RELN: variants seen among roughly 807,000 people sequenced by gnomAD.
RELN encodes the protein reelin.
Under a neutral mutation model 427.6 loss-of-function variants are expected in RELN, and 108 were observed. That is an observed-to-expected ratio of 0.25 (90% CI 0.22 to 0.30). RELN has a LOEUF of 0.30. RELN is among the 10% of genes least tolerant of loss of function. The pLI is 1.00. For synonymous variants in RELN, 1,524 were observed against 1,513.4 expected, an observed-to-expected ratio of 1.01 and a Z score of -0.16; for missense variants, 3,715 against 4,302.8, an observed-to-expected ratio of 0.86 and a Z score of 3.82.
In RELN at chr7:103,989,383, G is replaced by GCCGCCGCT; in HGVS notation, c.-28_-27insAGCGGCGG. ...CCGCCGCCGCCGCCGCCGCCGCCGC[G>GCCGCCGCT]CGCCCTACGCGCCGCTCGCTCATTC... On this transcript the variant is annotated 5_prime_UTR_variant, in exon 1 of 65. Coordinates refer to ENST00000428762, the MANE Select transcript of RELN (RefSeq NM_005045.4). This position sits in a 1 kb window ranked among gnomAD's most constrained non-coding sequence, Gnocchi z 4.9. 1.6e-6 allele frequency: 1 copy of GCCGCCGCT among 625,378 alleles called. No individual in the cohort carries two copies. Among genetic ancestry groups the GCCGCCGCT allele is most frequent in the Non-Finnish European group, 2.1e-6 (1 of 465,706 alleles). The allele number at this position is 625,378 out of a possible 1,614,324, so 38.7% of individuals were successfully genotyped here. A position where few individuals can be genotyped will look rare whatever the true frequency, so the allele number is the denominator to read the frequency against.
At chr7:103,836,769 A>G (rs1250120776) in intron 2 of RELN, among the ~76,000 whole-genome samples, 1 of 152,214 alleles carries the variant, frequency 6.6e-6, no homozygotes, top group Non-Finnish European at 1.5e-5. Context: ...AAACCCAGGT[A>G]GCTACTCCTA....
rs192033445 is a variant in RELN, at chr7:103,923,968, C to T, written c.227-6783G>A. 3.3e-5 allele frequency among the ~76,000 whole-genome samples: 5 copies of T among 152,196 alleles called. No individual in the cohort carries two copies. In the East Asian group the frequency reaches 5.8e-4, roughly 18 times the overall value. The stretch of plus-strand genomic sequence containing the variant: ...CTATGTGATAATTACTATAATTATA[C>T]CCCTTTTACCCATTAAAGCTGAAAC... On this transcript the variant is annotated intron_variant, in intron 1 of 64. Coordinates refer to ENST00000428762, the MANE Select transcript of RELN (RefSeq NM_005045.4).
intron 31 of RELN, among the ~76,000 whole-genome samples, chr7:103,567,464 G>A (rs1830779820): frequency 6.6e-6 from 1 of 152,170 alleles, no homozygotes; most frequent in African/African-American, 2.4e-5. Context: ...TCTAAAAGAG[G>A]ATGCAGAGAA....
At chr7:103,598,337 C>T (rs924504531) in intron 24 of RELN, among the ~76,000 whole-genome samples, 7 of 152,108 alleles carry the variant, frequency 4.6e-5, no homozygotes, top group Non-Finnish European at 1.0e-4. Context: ...TTTAATTTTT[C>T]CTGTTGTTGA....
intron 2 of RELN, among the ~76,000 whole-genome samples, chr7:103,872,771 T>C (rs1351134895): frequency 6.7e-6 from 1 of 149,384 alleles, no homozygotes; most frequent in South Asian, 2.4e-4. Context: ...TGGTGTGAGA[T>C]GGTATCTCAT....
intron 38 of RELN, among the ~76,000 whole-genome samples, chr7:103,556,001 C>G (rs1393803451): frequency 6.6e-6 from 1 of 152,178 alleles, no homozygotes; most frequent in Admixed American, 6.5e-5. Flanking sequence ...ATATGCATGA[C>G]TTGGTAAAGT....
In RELN at chr7:103,611,502, T is replaced by A. The variant is rs1023716970; in HGVS notation, c.2895+109A>T. On this transcript the variant is annotated intron_variant, in intron 21 of 64. Coordinates refer to ENST00000428762, the MANE Select transcript of RELN (RefSeq NM_005045.4). Reference sequence around the variant, plus strand: ...GTTACAAATATTAAATAACACTGTTTCTTTTCAACCAAACCTAAACTTCTA... The same window carrying A: ...GTTACAAATATTAAATAACACTGTTACTTTTCAACCAAACCTAAACTTCTA... 2.0e-5 allele frequency: 17 copies of A among 841,036 alleles called. No homozygotes were observed. The African/African-American group carries it at 2.6e-4, about 13-fold the overall frequency. 52.1% of individuals were successfully genotyped at this position (841,036 alleles called of 1,614,324 possible).
intron 2 of RELN, among the ~76,000 whole-genome samples, chr7:103,903,960 G>A (rs1795138823): frequency 6.6e-6 from 1 of 151,890 alleles, no homozygotes; most frequent in Admixed American, 6.6e-5. Flanking sequence ...TAGGTTTTAA[G>A]CTCCACGTAC....
At chr7:103,792,378 T>C (rs1213328463) in intron 3 of RELN, among the ~76,000 whole-genome samples, 1 of 152,142 alleles carries the variant, frequency 6.6e-6, no homozygotes, top group Non-Finnish European at 1.5e-5. Context: ...CAACGGAATA[T>C]TATTCAACCA....
At chr7:103,648,771 T>A (rs1832848775) in intron 16 of RELN, among the ~76,000 whole-genome samples, 1 of 151,948 alleles carries the variant, frequency 6.6e-6, no homozygotes, top group African/African-American at 2.4e-5. Context: ...ATTAAAAAGT[T>A]GGCAAAGGAC....
chr7:103,889,448 A>G (rs530696797), intron 2 of RELN, among the ~76,000 whole-genome samples: 12 of 152,336 alleles, frequency 7.9e-5, no homozygotes, highest in African/African-American at 2.6e-4. Context: ...TAACTCACGG[A>G]AAGTGTGAAA....
At chr7:103,708,808 T>G (rs971899732) in intron 8 of RELN, among the ~76,000 whole-genome samples, 2 of 152,156 alleles carry the variant, frequency 1.3e-5, no homozygotes, top group Admixed American at 6.5e-5. Context: ...GGGCCTCTGT[T>G]TAATGGTCAC....
chr7:103,923,855 T>TTAA (rs1028699891), intron 1 of RELN, among the ~76,000 whole-genome samples: 1 of 152,146 alleles, frequency 6.6e-6, no homozygotes. Context: ...ACACACTTCC[T>TTAA]TAATAATAAT....
intron 58 of RELN, among the ~76,000 whole-genome samples, chr7:103,491,667 TA>T (rs1297525695): frequency 6.6e-6 from 1 of 151,876 alleles, no homozygotes; most frequent in Non-Finnish European, 1.5e-5. Context: ...CCGTCTCTAC[TA>T]AAAATACAAA....
chr7:103,588,103 A>G (rs36056948), intron 28 of RELN, among the ~76,000 whole-genome samples: 38,645 of 152,132 alleles, frequency 0.25, 5,628 homozygotes, highest in South Asian at 0.41. Context: ...TTATTGCAGA[A>G]CTGTTCACAA....
At chr7:103,535,511 A>G in intron 45 of RELN, 27 bp from the exon 46 acceptor site, 1 of 1,595,598 alleles carries the variant, frequency 6.3e-7, no homozygotes, top group South Asian at 1.1e-5. Context: ...TATTTTGGAT[A>G]TAAACACATA....
intron 3 of RELN, among the ~76,000 whole-genome samples, chr7:103,777,592 C>T (rs551414751): frequency 3.3e-4 from 50 of 152,192 alleles, no homozygotes; most frequent in African/African-American, 1.1e-3. Context: ...CCTATGTATT[C>T]CCCCTTGATA....
intron 2 of RELN, among the ~76,000 whole-genome samples, chr7:103,897,012 C>G (rs28439290): frequency 2.0e-5 from 3 of 152,040 alleles, no homozygotes; most frequent in East Asian, 1.9e-4. Context: ...ATGTCTTACA[C>G]GGCAGCAGGC....
rs373060977 is a variant in RELN, at chr7:103,987,887, C to T, written c.226+1244G>A. 9.9e-5 allele frequency among the ~76,000 whole-genome samples: 15 copies of T among 152,282 alleles called. No individual in the cohort carries two copies. The East Asian group carries it at 2.1e-3, about 22-fold the overall frequency. Reference sequence around the variant, plus strand: ...CCATGCCACAAGGAAGTTGTAAAAGCACTGTTTAAAACCTCTAGGAGACGT... The same window carrying T: ...CCATGCCACAAGGAAGTTGTAAAAGTACTGTTTAAAACCTCTAGGAGACGT... On this transcript the variant is annotated intron_variant, in intron 1 of 64. Coordinates refer to ENST00000428762, the MANE Select transcript of RELN (RefSeq NM_005045.4).
Sources: allele counts gnomAD v4.1 joint callset (sites outside exome capture counted in the v4.1 genomes callset), GRCh38; gene constraint gnomAD v4.1.1; non-coding constraint Gnocchi (gnomAD v3.1); transcripts MANE v1.5; gene names NCBI Gene and HGNC (gene_info 2026-07-23, HGNC 2026-07-21).